NTNG1: variants seen among roughly 807,000 people sequenced by gnomAD.
NTNG1 encodes netrin-G1.
NTNG1 carries 16 observed loss-of-function variants against 54.0 expected under a neutral mutation model. The ratio of observed to expected loss-of-function variants is 0.30; its 90% confidence interval spans 0.20 to 0.45. The LOEUF (loss-of-function observed/expected upper bound fraction) is 0.45, where lower values mean the gene tolerates loss of function less well. NTNG1 is among the 20% of genes least tolerant of loss of function. The pLI is 1.00. For missense variants in NTNG1, 530 were observed against 678.7 expected (o/e 0.78, Z 2.43); for synonymous variants, 255 against 263.1 (o/e 0.97, Z 0.30).
intron 2 of NTNG1, among the ~76,000 whole-genome samples, chr1:107,296,617 ATAT>A (rs1466033791): frequency 6.8e-6 from 1 of 148,122 alleles, no homozygotes; most frequent in South Asian, 2.1e-4. Context: ...ATATGAATAT[ATAT>A]TATTTCTATG....
chr1:107,214,709 CTGTT>C (rs1050542256), intron 2 of NTNG1, among the ~76,000 whole-genome samples: 2 of 151,842 alleles, frequency 1.3e-5, no homozygotes, highest in Admixed American at 6.6e-5. Flanking sequence ...AATCTTCACA[CTGTT>C]TGTCATAGTG....
At position 107,356,533 on chromosome 1, in the gene NTNG1, A is replaced by G. The variant is rs554212623; in HGVS notation, c.887+31611A>G. Among the ~76,000 whole-genome samples the G allele has an allele frequency of 1.0e-3, 154 of 152,190 alleles. 1 individual carries two copies. Among genetic ancestry groups the G allele is most frequent in the African/African-American group, 3.6e-3 (148 of 41,550 alleles). On this transcript the variant is annotated intron_variant, in intron 3 of 7. Coordinates refer to ENST00000370068, the MANE Select transcript of NTNG1 (RefSeq NM_001113226.3). ...GGTGTCGAACTCCTGGCCTCAAGTG[A>G]TCTGCTTGCTTCGGCCTCCCAAAGT... is the stretch of plus-strand genomic sequence containing the variant.
intron 2 of NTNG1, among the ~76,000 whole-genome samples, chr1:107,192,420 A>G (rs1308703872): frequency 6.6e-6 from 1 of 152,044 alleles, no homozygotes; most frequent in Non-Finnish European, 1.5e-5. Flanking sequence ...AAGGGTTGAC[A>G]TCAGTTCTAA....
intron 5 of NTNG1, chr1:107,409,143 T>C (rs1239348428): frequency 2.6e-5 from 4 of 152,188 alleles, no homozygotes; most frequent in Non-Finnish European, 5.9e-5. Flanking sequence ...AACCTTCAGC[T>C]CTAATAGTCT....
intron 3 of NTNG1, among the ~76,000 whole-genome samples, chr1:107,382,250 A>G (rs1671693593): frequency 6.6e-6 from 1 of 152,106 alleles, no homozygotes; most frequent in Non-Finnish European, 1.5e-5. Context: ...AGGTGGGGAC[A>G]GTCAAGGAGC....
chr1:107,228,792 C>A (rs1660857010), intron 2 of NTNG1, among the ~76,000 whole-genome samples: 1 of 152,144 alleles, frequency 6.6e-6, no homozygotes, highest in South Asian at 2.1e-4. Context: ...GTCACCAAAA[C>A]CATCCCCACC....
chr1:107,388,117 C>T (rs1672129476), intron 3 of NTNG1, among the ~76,000 whole-genome samples: 1 of 152,146 alleles, frequency 6.6e-6, no homozygotes, highest in South Asian at 2.1e-4. Flanking sequence ...GTTTGAATCC[C>T]TATGCGACCT....
At chr1:107,391,442 G>A (rs561049777) in intron 3 of NTNG1, among the ~76,000 whole-genome samples, 5 of 152,304 alleles carry the variant, frequency 3.3e-5, no homozygotes, top group African/African-American at 1.2e-4. Flanking sequence ...CTAAGAAAGT[G>A]ATTGTTGCTA....
chr1:107,255,151 T>C (rs1229311999), intron 2 of NTNG1, among the ~76,000 whole-genome samples: 1 of 152,204 alleles, frequency 6.6e-6, no homozygotes, highest in East Asian at 1.9e-4. Flanking sequence ...AGTAAAATAA[T>C]TAAAATAAAA....
chr1:107,199,012 C>G (rs1357678600), intron 2 of NTNG1, among the ~76,000 whole-genome samples: 3 of 150,842 alleles, frequency 2.0e-5, no homozygotes, highest in Non-Finnish European at 4.4e-5. Flanking sequence ...TCTGAAATTG[C>G]TATTTTTTTT....
chr1:107,431,550 G>A (rs976829248), intron 6 of NTNG1, among the ~76,000 whole-genome samples: 26 of 152,024 alleles, frequency 1.7e-4, no homozygotes, highest in African/African-American at 4.6e-4. Flanking sequence ...GGAAAACTGC[G>A]TCCACAGAGG....
intron 2 of NTNG1, among the ~76,000 whole-genome samples, chr1:107,217,967 T>C (rs1283149742): frequency 1.3e-5 from 2 of 152,194 alleles, no homozygotes; most frequent in Non-Finnish European, 1.5e-5. Context: ...AGCCCATTTG[T>C]TCTAGGGTAT....
intron 3 of NTNG1, among the ~76,000 whole-genome samples, chr1:107,368,308 A>G (rs1199535819): frequency 6.6e-6 from 1 of 151,544 alleles, no homozygotes; most frequent in Non-Finnish European, 1.5e-5. Flanking sequence ...AAAATACCAC[A>G]TTTGTTTATT....
chr1:107,355,996 ACAAAAGTCTT>A lies in NTNG1; in HGVS notation c.887+31077_887+31086del, dbSNP rs1374970563. ...ATTCCAGACCACCGTCGTGGCAGAA[ACAAAAGTCTT>A]CATATTTTGGGCTGTTTTACCTTCA... On this transcript the variant is annotated intron_variant, in intron 3 of 7. Coordinates refer to ENST00000370068, the MANE Select transcript of NTNG1 (RefSeq NM_001113226.3). Among the ~76,000 whole-genome samples, 3 of 152,294 alleles carry A rather than the reference ACAAAAGTCTT, an allele frequency of 2.0e-5. No individual in the cohort carries two copies. The East Asian group carries it at 5.8e-4, about 30-fold the overall frequency.
At chr1:107,444,312 G>A (rs1344373262) in intron 7 of NTNG1, among the ~76,000 whole-genome samples, 3 of 152,144 alleles carry the variant, frequency 2.0e-5, no homozygotes, top group Non-Finnish European at 4.4e-5. Context: ...GCTGTGGAAA[G>A]GACTTTAACT....
intron 3 of NTNG1, among the ~76,000 whole-genome samples, chr1:107,390,481 G>A (rs144595760): frequency 6.6e-6 from 1 of 152,244 alleles, no homozygotes; most frequent in Non-Finnish European, 1.5e-5. Flanking sequence ...GAATCCCCTG[G>A]AGTTTAAATG....
At position 107,230,052 on chromosome 1, in the gene NTNG1, GA is replaced by G. The variant is rs1362264488; in HGVS notation, c.246+81214del. Among the ~76,000 whole-genome samples, 6 of 152,050 alleles carry G rather than the reference GA, an allele frequency of 3.9e-5. No homozygotes were observed. The East Asian group carries it at 9.6e-4, about 24-fold the overall frequency. On this transcript the variant is annotated intron_variant, in intron 2 of 7. Coordinates refer to ENST00000370068, the MANE Select transcript of NTNG1 (RefSeq NM_001113226.3). ...AAGACTGGTTCTAGAATTCTTCACT[GA>G]GGCAAAATATGGAAGATAAATTGAG...
chr1:107,282,023 A>G (rs1383812094), intron 2 of NTNG1, among the ~76,000 whole-genome samples: 1 of 152,180 alleles, frequency 6.6e-6, no homozygotes, highest in Non-Finnish European at 1.5e-5. Flanking sequence ...ATAAAGTGCT[A>G]GTTGAGTCTG....
At chr1:107,436,081 G>T (rs6682643) in intron 6 of NTNG1, among the ~76,000 whole-genome samples, 7 of 152,090 alleles carry the variant, frequency 4.6e-5, no homozygotes, top group African/African-American at 1.7e-4. Context: ...TTTCATGATT[G>T]TTAAGCTGGG....
Sources: allele counts gnomAD v4.1 joint callset (sites outside exome capture counted in the v4.1 genomes callset), GRCh38; gene constraint gnomAD v4.1.1; transcripts MANE v1.5; gene names NCBI Gene and HGNC (gene_info 2026-07-23, HGNC 2026-07-21).